PTDSS1: variants seen among roughly 807,000 people sequenced by gnomAD.
PTDSS1 encodes the protein phosphatidylserine synthase 1.
PTDSS1 carries 45 observed loss-of-function variants against 70.5 expected under a neutral mutation model. That is an observed-to-expected ratio of 0.64 (90% CI 0.50 to 0.82). The LOEUF (loss-of-function observed/expected upper bound fraction) is 0.82. PTDSS1 is among the 40% of genes least tolerant of loss of function. The pLI, the probability that PTDSS1 is intolerant of heterozygous loss-of-function variation, is 0.00. For synonymous variants in PTDSS1, 188 were observed against 203.8 expected (o/e 0.92, Z 0.66); for missense variants, 417 against 586.1 (o/e 0.71, Z 2.98).
intron 10 of PTDSS1, among the ~76,000 whole-genome samples, chr8:96,329,987 G>T (rs942896610): frequency 1.3e-5 from 2 of 152,210 alleles, no homozygotes; most frequent in African/African-American, 4.8e-5. Context: ...CTTTCTGATA[G>T]TAGAGTCACA....
At chr8:96,308,780 T>A (rs1035351466) in intron 8 of PTDSS1, among the ~76,000 whole-genome samples, 1 of 152,230 alleles carries the variant, frequency 6.6e-6, no homozygotes, top group Admixed American at 6.5e-5. Flanking sequence ...TGTTCCTTTT[T>A]ACTTTTTTAA....
intron 11 of PTDSS1, chr8:96,330,744 A>G (rs1034912077): frequency 1.6e-5 from 7 of 445,278 alleles, no homozygotes; most frequent in African/African-American, 1.2e-4. Context: ...CGTCTGGTAG[A>G]CGGTAATATT....
intron 1 of PTDSS1, among the ~76,000 whole-genome samples, chr8:96,268,080 G>C (rs185946833): frequency 6.6e-6 from 1 of 152,308 alleles, no homozygotes; most frequent in African/African-American, 2.4e-5. Flanking sequence ...CCAGTTATCT[G>C]AGTCATCCCA....
At chr8:96,309,306 C>T (rs541831611) in intron 8 of PTDSS1, 22 of 350,676 alleles carry the variant, frequency 6.3e-5, no homozygotes, top group Middle Eastern at 1.4e-3. Flanking sequence ...GTAAACACCC[C>T]GGCACTCAGA....
At position 96,317,909 on chromosome 8, in the gene PTDSS1, G is replaced by GTGTGTGTA. The variant is rs1554585831; in HGVS notation, c.1074-2330_1074-2329insATGTGTGT. ...TGTGTGTGTGTGTGTGTGTGTGTGT[G>GTGTGTGTA]TGTGTGTGTGTACACGCATGCGTAT... On this transcript the variant is annotated intron_variant, in intron 9 of 12. Transcript: ENST00000517309. 3.3e-3 allele frequency among the ~76,000 whole-genome samples: 391 copies of GTGTGTGTA among 117,002 alleles called. 3 individuals are homozygous for GTGTGTGTA. Among genetic ancestry groups the GTGTGTGTA allele is most frequent in the Non-Finnish European group, 4.8e-3 (254 of 53,472 alleles). The allele number at this position is 117,002 out of a possible 152,430, so 76.8% of individuals were successfully genotyped here. A position where few individuals can be genotyped will look rare whatever the true frequency, so the allele number is the denominator to read the frequency against.
In PTDSS1 at chr8:96,333,810, G is replaced by A. The variant is rs1399005513; in HGVS notation, c.*244G>A. On this transcript the variant is annotated 3_prime_UTR_variant, in exon 13 of 13. Transcript: ENST00000517309. ...CTTCTAACTTCAGCACTTGACATGC[G>A]GTCACCGGTGGCAGCGCGGTGTGTT... 1.2e-5 allele frequency: 8 copies of A among 693,300 alleles called. No individual in the cohort carries two copies. The highest frequency in any genetic ancestry group is 1.6e-5 in the Non-Finnish European group (6 of 381,538). The allele number at this position is 693,300 out of a possible 1,614,324, so 42.9% of individuals were successfully genotyped here.
rs1811000498 is a variant in PTDSS1 at position 96,298,110 on chromosome 8, A to G, written c.601-1584A>G. ...CTGAAGTTTCTCCCTTCCCTCTCTA[A>G]GGGCAAGAGTTAAGGCTCCATCTCG... On this transcript the variant is annotated intron_variant, in intron 5 of 12. Transcript: ENST00000517309. 2.0e-5 allele frequency among the ~76,000 whole-genome samples: 3 copies of G among 152,082 alleles called. No homozygotes were observed. The South Asian group carries it at 6.2e-4, about 32-fold the overall frequency.
intron 7 of PTDSS1, among the ~76,000 whole-genome samples, chr8:96,306,241 C>A (rs979590978): frequency 2.0e-5 from 3 of 152,210 alleles, no homozygotes; most frequent in Non-Finnish European, 4.4e-5. Flanking sequence ...CCTGCCACCT[C>A]TCCCTGGGCC....
intron 5 of PTDSS1, among the ~76,000 whole-genome samples, chr8:96,297,225 C>T (rs551743075): frequency 1.3e-4 from 20 of 152,304 alleles, no homozygotes; most frequent in African/African-American, 3.6e-4. Flanking sequence ...GTTGCCCAGG[C>T]TGGAATGCAG....
intron 1 of PTDSS1, among the ~76,000 whole-genome samples, chr8:96,273,089 C>G (rs1000046920): frequency 6.6e-6 from 1 of 152,200 alleles, no homozygotes. Flanking sequence ...GTGAAATTAA[C>G]AGTCAGCATT....
At chr8:96,280,979 C>G (rs1810726846) in intron 2 of PTDSS1, among the ~76,000 whole-genome samples, 1 of 152,124 alleles carries the variant, frequency 6.6e-6, no homozygotes, top group Admixed American at 6.5e-5. Context: ...CATGAATGTT[C>G]ACAGGATGCT....
At chr8:96,328,496 G>T (rs1294079489) in intron 10 of PTDSS1, among the ~76,000 whole-genome samples, 2 of 152,116 alleles carry the variant, frequency 1.3e-5, no homozygotes, top group African/African-American at 2.4e-5. Flanking sequence ...CTAATTTTTT[G>T]ATGGATATGA....
chr8:96,333,573 C>G lies in PTDSS1; in HGVS notation c.*7C>G, dbSNP rs1021774552. ...TGGCGTTGGAAAGAAATGAAAAACC[C>G]TGGTTAATCAAAGATGTTCCAGAGT... On this transcript the variant is annotated 3_prime_UTR_variant, in exon 13 of 13. Coordinates refer to ENST00000517309, the MANE Select transcript of PTDSS1 (RefSeq NM_014754.3). 4 of 1,595,218 alleles carry G rather than the reference C, an allele frequency of 2.5e-6. No homozygotes were observed. The Admixed American group carries it at 5.0e-5, about 20-fold the overall frequency.
intron 9 of PTDSS1, among the ~76,000 whole-genome samples, chr8:96,315,990 C>A (rs895719833): frequency 6.6e-5 from 10 of 152,172 alleles, no homozygotes; most frequent in African/African-American, 2.4e-4. Flanking sequence ...CTGAAGCCTC[C>A]AGCCTCAGCC....
Position 96,336,615 on chromosome 8 carries a change from G to C in PTDSS1, c.*3049G>C, listed in dbSNP as rs1811596611. The C allele has an allele frequency of 6.6e-6, 1 of 151,892 alleles. No individual in the cohort carries two copies. The highest frequency in any genetic ancestry group is 6.6e-5 in the Admixed American group (1 of 15,266). 9.4% of individuals were successfully genotyped at this position (151,892 alleles called of 1,614,324 possible). ...TTTACCAGGTGGGCGTTGTTTATAT[G>C]GTTCTTATTGTTATGACAACTAGAA... is the stretch of plus-strand genomic sequence containing the variant. On this transcript the variant is annotated 3_prime_UTR_variant, in exon 13 of 13. Coordinates refer to ENST00000517309, the MANE Select transcript of PTDSS1 (RefSeq NM_014754.3).
intron 6 of PTDSS1, among the ~76,000 whole-genome samples, chr8:96,303,094 A>G (rs1177516748): frequency 2.0e-5 from 3 of 152,214 alleles, no homozygotes; most frequent in Non-Finnish European, 4.4e-5. Flanking sequence ...TCTTTGCTGT[A>G]TTAAATATTC....
intron 6 of PTDSS1, among the ~76,000 whole-genome samples, chr8:96,302,280 ACTCGGC>A: frequency 6.6e-6 from 1 of 151,776 alleles, no homozygotes; most frequent in South Asian, 2.1e-4. Context: ...GATCTGCCTT[ACTCGGC>A]CTCCCAAAGT....
At chr8:96,296,695 C>T (rs16894439) in intron 5 of PTDSS1, among the ~76,000 whole-genome samples, 2,055 of 152,292 alleles carry the variant, frequency 0.013, 49 homozygotes, top group African/African-American at 0.047. Flanking sequence ...CACAACAAAC[C>T]GGGAAAGGCG....
intron 12 of PTDSS1, 76 bp downstream of exon 12, chr8:96,331,171 G>A: frequency 1.4e-6 from 2 of 1,391,070 alleles, no homozygotes; most frequent in Non-Finnish European, 2.0e-6. Context: ...TCTTTGAGTG[G>A]AGATGATATA....
Sources: gnomAD v4.1 joint callset for allele counts (sites outside exome capture counted in the v4.1 genomes callset) on GRCh38, gnomAD v4.1.1 for gene constraint, MANE v1.5 for transcripts, NCBI Gene and HGNC (gene_info 2026-07-23, HGNC 2026-07-21) for gene names.